SLC24A2: variants seen among roughly 807,000 people sequenced by gnomAD.
SLC24A2 encodes solute carrier family 24 member 2, also known as sodium/potassium/calcium exchanger 2.
Under a neutral mutation model 62.0 loss-of-function variants are expected in SLC24A2, and 36 were observed. That is an observed-to-expected ratio of 0.58 (90% confidence interval 0.44 to 0.77). The LOEUF is 0.77. Among genes scored for constraint, SLC24A2 ranks in the 30% least tolerant of loss-of-function variants. The pLI is 0.00. For synonymous variants in SLC24A2, 358 were observed against 294.0 expected, an observed-to-expected ratio of 1.22 and a Z score of -2.23; for missense variants, 846 against 817.9, an observed-to-expected ratio of 1.03 and a Z score of -0.42.
chr9:19,820,608 T>TAATTAAAAAAATTA, the SLC24A2 span, among the ~76,000 whole-genome samples: 1 of 151,960 alleles, frequency 6.6e-6, no homozygotes, highest in African/African-American at 2.4e-5. Context: ...AGAAAAACTT[T>TAATTAAAAAAATTA]AATTAAAAAA....
At chr9:20,039,877 A>T in the SLC24A2 span, among the ~76,000 whole-genome samples, 1 of 152,204 alleles carries the variant, frequency 6.6e-6, no homozygotes, top group African/African-American at 2.4e-5. Context: ...TGTAGCTTTA[A>T]TATTCCTTCA....
At chr9:19,611,439 GAGAGA>G (rs1837164613) in intron 4 of SLC24A2, among the ~76,000 whole-genome samples, 1 of 150,724 alleles carries the variant, frequency 6.6e-6, no homozygotes, top group Non-Finnish European at 1.5e-5. Context: ...AAGGAGGGGT[GAGAGA>G]AGAGAAGAGA....
At chr9:20,269,496 T>C in the SLC24A2 span, among the ~76,000 whole-genome samples, 1 of 152,230 alleles carries the variant, frequency 6.6e-6, no homozygotes, top group Middle Eastern at 3.4e-3. Flanking sequence ...TGGGGTACAG[T>C]AAGAAGGGGC....
At chr9:19,687,088 T>C (rs1819904805) in intron 2 of SLC24A2, among the ~76,000 whole-genome samples, 4 of 152,034 alleles carry the variant, frequency 2.6e-5, no homozygotes, top group South Asian at 4.1e-4. Context: ...TGAGTACACA[T>C]AGACACAAAG....
At chr9:20,049,388 G>C in the SLC24A2 span, among the ~76,000 whole-genome samples, 1 of 152,024 alleles carries the variant, frequency 6.6e-6, no homozygotes, top group Non-Finnish European at 1.5e-5. Context: ...GGAGTATCTA[G>C]CTAGCTAAAC....
intron 8 of SLC24A2, among the ~76,000 whole-genome samples, chr9:19,541,557 G>A (rs1563946424): frequency 6.8e-6 from 1 of 147,728 alleles, no homozygotes; most frequent in Non-Finnish European, 1.5e-5. Flanking sequence ...GAGGCAGTCT[G>A]CCCGTTCTCA....
intron 8 of SLC24A2, among the ~76,000 whole-genome samples, chr9:19,548,788 G>A (rs909890261): frequency 6.6e-6 from 1 of 152,184 alleles, no homozygotes; most frequent in East Asian, 1.9e-4. Flanking sequence ...TAGCCACTGG[G>A]ACTTCTCTCA....
At chr9:19,837,311 G>T in the SLC24A2 span, among the ~76,000 whole-genome samples, 4 of 150,848 alleles carry the variant, frequency 2.7e-5, no homozygotes, top group African/African-American at 9.7e-5. Context: ...AATTAGCCGG[G>T]TGCGGTGGCG....
At chr9:19,684,123 C>G (rs1288170214) in intron 2 of SLC24A2, among the ~76,000 whole-genome samples, 2 of 152,174 alleles carry the variant, frequency 1.3e-5, no homozygotes, top group Non-Finnish European at 2.9e-5. Context: ...GATGGGCAAT[C>G]TTTTCAGGAT....
At chr9:20,147,886 G>A in the SLC24A2 span, among the ~76,000 whole-genome samples, 19 of 152,044 alleles carry the variant, frequency 1.2e-4, no homozygotes, top group African/African-American at 4.3e-4. Flanking sequence ...ATGAAATGTC[G>A]ATAATAACAC....
chr9:19,955,970 G>T, the SLC24A2 span, among the ~76,000 whole-genome samples: 2 of 152,306 alleles, frequency 1.3e-5, no homozygotes, highest in African/African-American at 4.8e-5. Context: ...GAATAGGTAA[G>T]CCCAGTGTTT....
At chr9:20,288,062 A>G in the SLC24A2 span, among the ~76,000 whole-genome samples, 2 of 152,104 alleles carry the variant, frequency 1.3e-5, no homozygotes, top group Non-Finnish European at 2.9e-5. Context: ...ACACATTAAA[A>G]TTTCCAGACC....
chr9:19,827,727 T>C, the SLC24A2 span, among the ~76,000 whole-genome samples: 4 of 152,264 alleles, frequency 2.6e-5, 1 homozygote, highest in African/African-American at 7.2e-5. Flanking sequence ...AATAAGATGA[T>C]ATTTTCTAGT....
the SLC24A2 span, among the ~76,000 whole-genome samples, chr9:20,022,384 C>A: frequency 6.6e-5 from 10 of 152,158 alleles, no homozygotes; most frequent in African/African-American, 2.4e-4. Flanking sequence ...AAGTACATTA[C>A]TAACCAAAGT....
the SLC24A2 span, among the ~76,000 whole-genome samples, chr9:20,165,156 T>G: frequency 6.6e-6 from 1 of 151,634 alleles, no homozygotes; most frequent in Admixed American, 6.6e-5. Flanking sequence ...AAGAAAGATA[T>G]GAAAATAACA....
At chr9:20,186,291 G>T in the SLC24A2 span, among the ~76,000 whole-genome samples, 87 of 152,154 alleles carry the variant, frequency 5.7e-4, no homozygotes, top group African/African-American at 2.0e-3. Context: ...ATTTCCCTGT[G>T]CCTCTATCCT....
At chr9:19,580,061 G>C (rs1049053551) in intron 5 of SLC24A2, among the ~76,000 whole-genome samples, 10 of 152,226 alleles carry the variant, frequency 6.6e-5, no homozygotes, top group Admixed American at 2.6e-4. Context: ...AGCACCTCAG[G>C]TTTTCTGTGC....
intron 2 of SLC24A2, among the ~76,000 whole-genome samples, chr9:19,625,805 G>C (rs1014600539): frequency 6.6e-6 from 1 of 151,372 alleles, no homozygotes; most frequent in African/African-American, 2.4e-5. Context: ...TCCTGCCTCA[G>C]CCTCCTGAGT....
intron 4 of SLC24A2, among the ~76,000 whole-genome samples, chr9:19,607,634 G>A (rs1355327626): frequency 1.3e-5 from 2 of 149,528 alleles, no homozygotes; most frequent in Non-Finnish European, 3.0e-5. Context: ...CAGGAGACTC[G>A]CTTGAACCCG....
Sources: gnomAD v4.1 joint callset for allele counts (sites outside exome capture counted in the v4.1 genomes callset) on GRCh38, gnomAD v4.1.1 for gene constraint, MANE v1.5 for transcripts, NCBI Gene and HGNC (gene_info 2026-07-23, HGNC 2026-07-21) for gene names.